The following CDH13 variants were observed in gnomAD, a reference collection of about 807,000 sequenced individuals.
The protein encoded by CDH13 is cadherin-13.
A neutral mutation model predicts 63.8 loss-of-function variants in CDH13; 24 were observed. The ratio of observed to expected loss-of-function variants is 0.38; its 90% CI spans 0.27 to 0.53. The LOEUF (loss-of-function observed/expected upper bound fraction) is 0.53. Among genes scored for constraint, CDH13 ranks in the 20% least tolerant of loss-of-function variants. The pLI, the probability that CDH13 is intolerant of heterozygous loss-of-function variation, is 0.85. For missense variants in CDH13, 1,049 were observed against 903.1 expected, an observed-to-expected ratio of 1.16 and a Z score of -2.07; for synonymous variants, 503 against 355.3, an observed-to-expected ratio of 1.42 and a Z score of -4.67.
At chr16:82,736,758 T>A (rs2033694552) in intron 1 of CDH13, among the ~76,000 whole-genome samples, 1 of 152,238 alleles carries the variant, frequency 6.6e-6, no homozygotes. Context: ...ACTCACTCTC[T>A]TACCCTTTCA....
At chr16:83,196,599 C>T (rs764230290) in intron 4 of CDH13, among the ~76,000 whole-genome samples, 1 of 152,000 alleles carries the variant, frequency 6.6e-6, no homozygotes, top group South Asian at 2.1e-4. Flanking sequence ...CAGAAAACCC[C>T]AATCAACCAA....
At chr16:82,884,151 T>G (rs1363061538) in intron 2 of CDH13, 1 of 455,350 alleles carries the variant, frequency 2.2e-6, no homozygotes, top group South Asian at 1.6e-5. Flanking sequence ...ACGCTGTTTC[T>G]TTCCTTATGC....
intron 4 of CDH13, among the ~76,000 whole-genome samples, chr16:83,212,578 A>G (rs1311258127): frequency 6.6e-6 from 1 of 152,178 alleles, no homozygotes; most frequent in African/African-American, 2.4e-5. Flanking sequence ...TTAGTGTTAT[A>G]TGTTTAAAAT....
intron 3 of CDH13, among the ~76,000 whole-genome samples, chr16:83,071,152 G>A (rs2032408398): frequency 6.6e-6 from 1 of 152,116 alleles, no homozygotes; most frequent in South Asian, 2.1e-4. Context: ...TCAGGAAAGT[G>A]TCATTCTGAA....
At chr16:82,787,793 G>C (rs568265761) in intron 1 of CDH13, among the ~76,000 whole-genome samples, 1 of 139,926 alleles carries the variant, frequency 7.1e-6, no homozygotes, top group East Asian at 2.0e-4. Flanking sequence ...GAAAAGTTAC[G>C]AATTAAGTTG....
intron 5 of CDH13, among the ~76,000 whole-genome samples, chr16:83,317,841 TC>T (rs2090139355): frequency 1.3e-5 from 2 of 150,692 alleles, no homozygotes; most frequent in South Asian, 4.2e-4. Context: ...ACATCAATGC[TC>T]CCCACTCCCA....
At chr16:83,076,972 G>C (rs2032884766) in intron 3 of CDH13, among the ~76,000 whole-genome samples, 1 of 151,914 alleles carries the variant, frequency 6.6e-6, no homozygotes, top group African/African-American at 2.4e-5. Context: ...CCCCCATCAA[G>C]ATAGAAACCA....
intron 1 of CDH13, among the ~76,000 whole-genome samples, chr16:82,854,170 C>G (rs1398870104): frequency 6.6e-6 from 1 of 152,046 alleles, no homozygotes; most frequent in Non-Finnish European, 1.5e-5. Context: ...GAGGCCGAGG[C>G]AGGCGGATCA....
At chr16:83,535,694 C>G (rs575631972) in intron 7 of CDH13, among the ~76,000 whole-genome samples, 5 of 152,164 alleles carry the variant, frequency 3.3e-5, no homozygotes, top group African/African-American at 1.2e-4. Flanking sequence ...CCTCAGTTTC[C>G]CCAAGATATG....
chr16:83,447,843 A>C (rs1315169563), intron 6 of CDH13, among the ~76,000 whole-genome samples: 1 of 151,764 alleles, frequency 6.6e-6, no homozygotes, highest in East Asian at 1.9e-4. Context: ...TTAAAATGAG[A>C]TAGACCAGTT....
At chr16:83,118,956 C>G (rs977830338) in intron 3 of CDH13, among the ~76,000 whole-genome samples, 1 of 152,176 alleles carries the variant, frequency 6.6e-6, no homozygotes, top group Admixed American at 6.5e-5. Context: ...AGCCCCATTC[C>G]TTGTCTCCCA....
intron 2 of CDH13, among the ~76,000 whole-genome samples, chr16:82,887,909 C>T (rs954724068): frequency 2.6e-5 from 4 of 152,000 alleles, no homozygotes; most frequent in African/African-American, 7.2e-5. Flanking sequence ...AGGTTAAGAA[C>T]GTGTTGAAAA....
At chr16:82,817,553 C>A (rs1333983363) in intron 1 of CDH13, among the ~76,000 whole-genome samples, 1 of 152,108 alleles carries the variant, frequency 6.6e-6, no homozygotes, top group Non-Finnish European at 1.5e-5. Context: ...CCTGTAACTC[C>A]AGCACTTTGG....
At chr16:83,492,088 T>C (rs972236783) in intron 7 of CDH13, among the ~76,000 whole-genome samples, 1 of 152,130 alleles carries the variant, frequency 6.6e-6, no homozygotes, top group East Asian at 1.9e-4. Flanking sequence ...AAGAGAACTA[T>C]GTATTTGGTC....
intron 10 of CDH13, chr16:83,735,251 C>G (rs1302677175): frequency 2.0e-5 from 3 of 152,136 alleles, no homozygotes; most frequent in Admixed American, 1.3e-4. Context: ...TCTTTCCTAA[C>G]CATTCGAGGG....
At chr16:82,754,222 A>T (rs1406797690) in intron 1 of CDH13, among the ~76,000 whole-genome samples, 1 of 152,128 alleles carries the variant, frequency 6.6e-6, no homozygotes, top group South Asian at 2.1e-4. Context: ...TTTCATGTCT[A>T]TTTCTGCCCT....
At chr16:82,790,085 T>C (rs910084769) in intron 1 of CDH13, among the ~76,000 whole-genome samples, 6 of 152,098 alleles carry the variant, frequency 3.9e-5, no homozygotes, top group Non-Finnish European at 8.8e-5. Context: ...AGCTTAGAAT[T>C]ACTTTACACA....
intron 6 of CDH13, among the ~76,000 whole-genome samples, chr16:83,348,190 G>A (rs938379972): frequency 6.6e-6 from 1 of 151,974 alleles, no homozygotes; most frequent in African/African-American, 2.4e-5. Context: ...ACTCCATCTA[G>A]GAAAAAAATG....
At chr16:82,923,738 G>A (rs1275817165) in intron 2 of CDH13, among the ~76,000 whole-genome samples, 1 of 152,180 alleles carries the variant, frequency 6.6e-6, no homozygotes, top group African/African-American at 2.4e-5. Flanking sequence ...TCTTAAATAT[G>A]TGCTTCTTTC....
Sources: gnomAD v4.1 joint callset for allele counts (sites outside exome capture counted in the v4.1 genomes callset) on GRCh38, gnomAD v4.1.1 for gene constraint, MANE v1.5 for transcripts, NCBI Gene and HGNC (gene_info 2026-07-23, HGNC 2026-07-21) for gene names.